The following GRIN2B variants were observed in gnomAD, a reference collection of about 807,000 sequenced individuals.
GRIN2B encodes the protein glutamate ionotropic receptor NMDA type subunit 2B.
Under a neutral mutation model 114.5 loss-of-function variants are expected in GRIN2B, and 5 were observed. That is an observed-to-expected ratio of 0.04 (90% CI 0.02 to 0.09). The LOEUF (loss-of-function observed/expected upper bound fraction) is 0.09, where lower values mean the gene tolerates loss of function less well. Ranked by LOEUF, GRIN2B falls within the 10% of genes least tolerant of loss-of-function variation. The probability of loss-of-function intolerance (pLI) is 1.00; values close to 1 mark genes in which losing one functional copy is unlikely to be tolerated. For missense variants in GRIN2B, 1,108 were observed against 1,943.5 expected, an observed-to-expected ratio of 0.57 and a Z score of 8.08; for synonymous variants, 787 against 745.1, an observed-to-expected ratio of 1.06 and a Z score of -0.92.
At chr12:13,607,499 A>G (rs1949298987) in intron 10 of GRIN2B, among the ~76,000 whole-genome samples, 1 of 122,598 alleles carries the variant, frequency 8.2e-6, no homozygotes, top group African/African-American at 3.2e-5. Flanking sequence ...TTTTCTCAAG[A>G]TACTATTTAT....
chr12:13,662,865 TA>T (rs1318944327), intron 5 of GRIN2B, among the ~76,000 whole-genome samples: 3 of 152,170 alleles, frequency 2.0e-5, no homozygotes, highest in Non-Finnish European at 4.4e-5. Context: ...AGTTTTATTA[TA>T]AAATTAATGG....
At chr12:13,906,790 A>G (rs1194603519) in intron 2 of GRIN2B, among the ~76,000 whole-genome samples, 1 of 152,236 alleles carries the variant, frequency 6.6e-6, no homozygotes, top group Non-Finnish European at 1.5e-5. Context: ...ATTAATGAAT[A>G]GGATTAATTT....
At chr12:13,680,011 A>G (rs7970144) in intron 4 of GRIN2B, among the ~76,000 whole-genome samples, 1 of 151,932 alleles carries the variant, frequency 6.6e-6, no homozygotes, top group Non-Finnish European at 1.5e-5. Flanking sequence ...ATAATTTGAG[A>G]GTCTAAAGGC....
intron 2 of GRIN2B, among the ~76,000 whole-genome samples, chr12:13,945,681 A>G (rs1406133355): frequency 6.6e-6 from 1 of 152,146 alleles, no homozygotes; most frequent in Non-Finnish European, 1.5e-5. Context: ...ATGAGGGGTG[A>G]TCTCTTGGCT....
At chr12:13,656,914 C>T (rs1001678586) in intron 5 of GRIN2B, among the ~76,000 whole-genome samples, 3 of 152,052 alleles carry the variant, frequency 2.0e-5, no homozygotes, top group Non-Finnish European at 4.4e-5. Flanking sequence ...TGTGACTTGT[C>T]CAAGGTCACC....
At position 13,916,745 on chromosome 12, in the gene GRIN2B, G is replaced by GTGTGTA. The variant is rs1167126783; in HGVS notation, c.-18-50520_-18-50519insTACACA. On this transcript the variant is annotated intron_variant, in intron 2 of 13. Transcript: ENST00000609686. ...CACACACACACACACATTTGTGTGT[G>GTGTGTA]TGTGTGTGTGTGTGTATTTTAATCC... is the stretch of plus-strand genomic sequence containing the variant. 2.0e-5 allele frequency among the ~76,000 whole-genome samples: 3 copies of GTGTGTA among 147,958 alleles called. No individual in the cohort carries two copies. In the South Asian group the frequency reaches 6.4e-4, roughly 32 times the overall value.
chr12:13,802,306 AT>A (rs915956475), intron 3 of GRIN2B, among the ~76,000 whole-genome samples: 4 of 151,454 alleles, frequency 2.6e-5, no homozygotes, highest in African/African-American at 4.8e-5. Context: ...TTAAGCACAA[AT>A]TTTTTTTCCA....
At chr12:13,566,499 C>T (rs1806206) in intron 13 of GRIN2B, among the ~76,000 whole-genome samples, 2 of 152,166 alleles carry the variant, frequency 1.3e-5, no homozygotes, top group African/African-American at 4.8e-5. Context: ...AGGGAAGTTT[C>T]TGGAATGTAA....
intron 2 of GRIN2B, among the ~76,000 whole-genome samples, chr12:13,873,660 TGGGG>T (rs1865948162): frequency 6.6e-6 from 1 of 152,152 alleles, no homozygotes. Context: ...CCTGAGAGTC[TGGGG>T]CATGGAGGCA....
chr12:13,954,811 G>GAAAAAAAAAAAAAAAAAA lies in GRIN2B; in HGVS notation c.-19+25099_-19+25116dup, dbSNP rs61525874. On this transcript the variant is annotated intron_variant, in intron 2 of 13. Transcript: ENST00000609686. ...GTGACAGAGTGAGACTCCGTCTCAG[G>GAAAAAAAAAAAAAAAAAA]AAAAAAAAAAAAAAAAAACTTTTTC... 4.0e-3 allele frequency among the ~76,000 whole-genome samples: 103 copies of GAAAAAAAAAAAAAAAAAA among 25,524 alleles called. 17 individuals are homozygous for GAAAAAAAAAAAAAAAAAA. The highest frequency in any genetic ancestry group is 6.5e-3 in the African/African-American group (59 of 9,052). The allele number at this position is 25,524 out of a possible 152,430, so 16.7% of individuals were successfully genotyped here.
At chr12:13,728,421 C>A (rs2136601498) in intron 4 of GRIN2B, among the ~76,000 whole-genome samples, 1 of 152,196 alleles carries the variant, frequency 6.6e-6, no homozygotes. Context: ...GCCCACAACT[C>A]CCTACACATC....
rs1949319334 is a variant in GRIN2B at position 13,608,582 on chromosome 12, G to A, written c.2010+21C>T. ...GAACAGGATTGAGGGAAAGACGGGAGATTTCAAATGAGTCTCTTACCTTTT... is the reference window on the plus strand; with the variant it reads ...GAACAGGATTGAGGGAAAGACGGGAAATTTCAAATGAGTCTCTTACCTTTT... On this transcript the variant is annotated intron_variant, in intron 10 of 13. Transcript: ENST00000609686. 2.0e-6 allele frequency: 3 copies of A among 1,535,070 alleles called. No individual in the cohort carries two copies. The East Asian group carries it at 6.7e-5, about 35-fold the overall frequency.
At chr12:13,725,353 G>A (rs1350291112) in intron 4 of GRIN2B, among the ~76,000 whole-genome samples, 1 of 152,084 alleles carries the variant, frequency 6.6e-6, no homozygotes, top group African/African-American at 2.4e-5. Context: ...AAGAGGAGGA[G>A]TCAGGCAGTA....
At chr12:13,601,592 G>A (rs1330440065) in intron 10 of GRIN2B, among the ~76,000 whole-genome samples, 1 of 151,766 alleles carries the variant, frequency 6.6e-6, no homozygotes, top group Admixed American at 6.6e-5. Context: ...TCTTTGGGAG[G>A]ATACAATTCA....
chr12:13,709,411 A>G (rs1019595021), intron 4 of GRIN2B, among the ~76,000 whole-genome samples: 2 of 152,040 alleles, frequency 1.3e-5, no homozygotes, highest in African/African-American at 4.8e-5. Flanking sequence ...AAAATACTCA[A>G]ACAAGCAATC....
intron 2 of GRIN2B, among the ~76,000 whole-genome samples, chr12:13,952,517 CTG>C (rs1207995298): frequency 2.6e-5 from 4 of 152,162 alleles, no homozygotes; most frequent in Non-Finnish European, 5.9e-5. Context: ...ACCTCTCCTC[CTG>C]TGTTTCCTCT....
intron 4 of GRIN2B, among the ~76,000 whole-genome samples, chr12:13,698,649 G>C (rs1200422408): frequency 6.6e-6 from 1 of 152,104 alleles, no homozygotes; most frequent in African/African-American, 2.4e-5. Flanking sequence ...GATCTACTTT[G>C]ATCATCCGCA....
intron 10 of GRIN2B, among the ~76,000 whole-genome samples, chr12:13,603,572 A>G (rs1325234053): frequency 6.6e-6 from 1 of 152,102 alleles, no homozygotes; most frequent in Non-Finnish European, 1.5e-5. Flanking sequence ...AAGAGCTGAA[A>G]AAAATCTTAC....
intron 5 of GRIN2B, among the ~76,000 whole-genome samples, chr12:13,654,266 G>A (rs1161497739): frequency 3.3e-5 from 5 of 152,128 alleles, no homozygotes; most frequent in Admixed American, 3.3e-4. Context: ...GGAAGAAAAG[G>A]GAGGAGGTGG....
Sources: allele counts gnomAD v4.1 joint callset (sites outside exome capture counted in the v4.1 genomes callset), GRCh38; gene constraint gnomAD v4.1.1; transcripts MANE v1.5; gene names NCBI Gene and HGNC (gene_info 2026-07-23, HGNC 2026-07-21).